Variants in ATPAF1 observed in about 807,000 individuals in gnomAD.
ATPAF1 encodes ATP synthase mitochondrial F1 complex assembly factor 1, also known as homolog of yeast ATP11.
Under a neutral mutation model 43.9 loss-of-function variants are expected in ATPAF1, and 26 were observed. The observed-to-expected ratio is 0.59, with a 90% confidence interval of 0.43 to 0.82. The LOEUF (loss-of-function observed/expected upper bound fraction) is 0.82, where lower values mean the gene tolerates loss of function less well. Ranked by LOEUF, ATPAF1 falls within the 40% of genes least tolerant of loss-of-function variation. The probability of loss-of-function intolerance (pLI) is 0.00; values close to 1 mark genes in which losing one functional copy is unlikely to be tolerated. For missense variants in ATPAF1, 366 were observed against 435.0 expected (o/e 0.84, Z 1.41); for synonymous variants, 157 against 168.0 (o/e 0.93, Z 0.50).
In ATPAF1 at chr1:46,638,493, G is replaced by C. The variant is rs554528112; in HGVS notation, c.793-2523C>G. Among the ~76,000 whole-genome samples, 13 of 152,084 alleles carry C rather than the reference G, an allele frequency of 8.5e-5. No homozygotes were observed. The South Asian group carries it at 2.7e-3, about 32-fold the overall frequency. On this transcript the variant is annotated intron_variant, in intron 8 of 8. Transcript: ENST00000574428. ...CAAAATTAGCTGGGCGTGGTGGTGG[G>C]CGCTTGTAGTCCCAGCTACTCGGGA...
At chr1:46,655,492 A>G (rs1010614435) in intron 4 of ATPAF1, among the ~76,000 whole-genome samples, 10 of 152,290 alleles carry the variant, frequency 6.6e-5, no homozygotes, top group Middle Eastern at 3.4e-3. Flanking sequence ...AAACAGGGAA[A>G]AGGAAAAAAT....
intron 8 of ATPAF1, among the ~76,000 whole-genome samples, chr1:46,637,615 G>A (rs1473742136): frequency 6.6e-6 from 1 of 152,150 alleles, no homozygotes; most frequent in East Asian, 1.9e-4. Flanking sequence ...TGTCTAGCTA[G>A]AGAATGATGA....
At chr1:46,658,596 C>A in intron 3 of ATPAF1, 91 bp downstream of exon 3, 1 of 925,556 alleles carries the variant, frequency 1.1e-6, no homozygotes. Flanking sequence ...AATCACTGAG[C>A]CACAGTACTT....
chr1:46,652,399 G>T, intron 6 of ATPAF1, 182 bp downstream of exon 6: 3 of 559,792 alleles, frequency 5.4e-6, no homozygotes, highest in Non-Finnish European at 9.1e-6. Flanking sequence ...ATCAACGTGT[G>T]AGCATCTTTA....
chr1:46,661,159 G>C (rs144107091), intron 2 of ATPAF1, among the ~76,000 whole-genome samples: 1 of 151,306 alleles, frequency 6.6e-6, no homozygotes, highest in East Asian at 1.9e-4. Flanking sequence ...TGCAACCTCC[G>C]CCTCCCGGGT....
At chr1:46,635,808 G>C (rs1001136725) in exon 9 of ATPAF1, 3 of 1,614,178 alleles carry the variant, frequency 1.9e-6, no homozygotes, top group Non-Finnish European at 1.7e-6. Context: ...GCACATTTCA[G>C]TTCTGCTCCA....
intron 8 of ATPAF1, among the ~76,000 whole-genome samples, chr1:46,641,365 C>T (rs938792993): frequency 1.2e-4 from 4 of 34,302 alleles, no homozygotes; most frequent in Non-Finnish European, 1.3e-3. Flanking sequence ...AAGCATGAGC[C>T]ACTGTCCCAG....
intron 8 of ATPAF1, among the ~76,000 whole-genome samples, chr1:46,638,810 C>T (rs1675893126): frequency 6.6e-6 from 1 of 151,844 alleles, no homozygotes; most frequent in Admixed American, 6.6e-5. Flanking sequence ...TTTTCCAAGA[C>T]CCAATAAGAT....
intron 6 of ATPAF1, among the ~76,000 whole-genome samples, chr1:46,647,115 T>G (rs994155287): frequency 2.0e-5 from 3 of 152,252 alleles, no homozygotes; most frequent in African/African-American, 4.8e-5. Flanking sequence ...TTACTCTTTA[T>G]GTAGAAACAT....
chr1:46,649,253 G>A (rs1385527498), intron 6 of ATPAF1, among the ~76,000 whole-genome samples: 7 of 148,858 alleles, frequency 4.7e-5, no homozygotes, highest in Admixed American at 1.3e-4. Flanking sequence ...TTTTTTTTGT[G>A]CATGATATTC....
rs1162503551 is a variant in ATPAF1, at chr1:46,647,521, CACAT to C, written c.589-2269_589-2266del. Among the ~76,000 whole-genome samples, 529 of 152,164 alleles carry C rather than the reference CACAT, an allele frequency of 3.5e-3. 3 individuals carry two copies. The highest frequency in any genetic ancestry group is 0.012 in the African/African-American group (508 of 41,482). ...ACACACATACACACACACACACACACACATGCACATTCTCTCTTTCCACAATTCC... is the reference window on the plus strand; with the variant it reads ...ACACACATACACACACACACACACACGCACATTCTCTCTTTCCACAATTCC... On this transcript the variant is annotated intron_variant, in intron 6 of 8. Transcript: ENST00000574428.
In ATPAF1 at chr1:46,651,213, T is replaced by C. The variant is rs1206858967; in HGVS notation, c.588+1368A>G. ...TCCTTCCTGTGTCCATGTGTTCTCA[T>C]TGTTCGATTCCCACCTATGAGTGAG... On this transcript the variant is annotated intron_variant, in intron 6 of 8. Transcript: ENST00000574428. Among the ~76,000 whole-genome samples the C allele has an allele frequency of 5.3e-5, 8 of 151,642 alleles. No homozygotes were observed. The East Asian group carries it at 1.4e-3, about 26-fold the overall frequency.
exon 9 of ATPAF1, chr1:46,635,480 C>A: frequency 2.7e-6 from 1 of 368,010 alleles, no homozygotes; most frequent in Non-Finnish European, 4.9e-6. Context: ...CGCTGTTACA[C>A]TGTGCAAAAT....
rs551831120 is a variant in ATPAF1 at position 46,663,747 on chromosome 1, C to G, written c.375+1509G>C. 5 of 776,714 alleles carry G rather than the reference C, an allele frequency of 6.4e-6. No individual in the cohort carries two copies. The East Asian group carries it at 3.5e-4, about 55-fold the overall frequency. 48.1% of individuals were successfully genotyped at this position (776,714 alleles called of 1,614,324 possible). A position where few individuals can be genotyped will look rare whatever the true frequency, so the allele number is the denominator to read the frequency against. ...CACTTAAAATTCAGGATACCCAAGG[C>G]AAAAAAAGTATTTTCCAAGTAAAAT... On this transcript the variant is annotated intron_variant, in intron 2 of 8. Coordinates refer to ENST00000574428, the Ensembl canonical transcript of ATPAF1.
chr1:46,659,835 A>T (rs1175526752), intron 2 of ATPAF1, among the ~76,000 whole-genome samples: 1 of 152,146 alleles, frequency 6.6e-6, no homozygotes, highest in Non-Finnish European at 1.5e-5. Flanking sequence ...TGGTCATAGA[A>T]CCTGTACCCA....
intron 1 of ATPAF1, 175 bp from the exon 2 acceptor site, chr1:46,665,539 G>A: frequency 8.1e-7 from 1 of 1,227,764 alleles, no homozygotes; most frequent in Admixed American, 2.4e-5. Context: ...ACTGGAAAAA[G>A]AAATCCTGTT....
At chr1:46,660,028 G>C (rs1676358264) in intron 2 of ATPAF1, among the ~76,000 whole-genome samples, 1 of 150,426 alleles carries the variant, frequency 6.6e-6, no homozygotes, top group African/African-American at 2.4e-5. Flanking sequence ...CTAGGCTGGA[G>C]TGCAGTGGCA....
chr1:46,645,528 T>C (rs1445251210), intron 6 of ATPAF1, among the ~76,000 whole-genome samples: 1 of 141,670 alleles, frequency 7.1e-6, no homozygotes, highest in Non-Finnish European at 1.6e-5. Flanking sequence ...GCCTGGCTAC[T>C]TTTTTTTTTT....
chr1:46,658,449 C>A (rs191364857), intron 3 of ATPAF1, among the ~76,000 whole-genome samples: 1 of 152,120 alleles, frequency 6.6e-6, no homozygotes, highest in South Asian at 2.1e-4. Context: ...ATGAGTCCTG[C>A]GGCACTTTGC....
Sources: gnomAD v4.1 joint callset for allele counts (sites outside exome capture counted in the v4.1 genomes callset) on GRCh38, gnomAD v4.1.1 for gene constraint, MANE v1.5 for transcripts, NCBI Gene and HGNC (gene_info 2026-07-23, HGNC 2026-07-21) for gene names.